The following NMT1 variants were observed in gnomAD, a reference collection of about 807,000 sequenced individuals.
NMT1 encodes the protein N-myristoyltransferase 1, also known as glycylpeptide N-tetradecanoyltransferase 1.
In NMT1, 12 loss-of-function variants were observed where a neutral mutation model predicts 63.4. That is an observed-to-expected ratio of 0.19 (90% CI 0.12 to 0.31). The LOEUF (loss-of-function observed/expected upper bound fraction) is 0.31, where lower values mean the gene tolerates loss of function less well. Ranked by LOEUF, NMT1 falls within the 10% of genes least tolerant of loss-of-function variation. The pLI, the probability that NMT1 is intolerant of heterozygous loss-of-function variation, is 1.00. For synonymous variants in NMT1, 228 were observed against 234.3 expected (o/e 0.97, Z 0.25); for missense variants, 432 against 634.6 (o/e 0.68, Z 3.43).
chr17:45,076,207 G>A (rs1042953092), intron 1 of NMT1, among the ~76,000 whole-genome samples: 5 of 152,082 alleles, frequency 3.3e-5, no homozygotes, highest in African/African-American at 4.8e-5. Flanking sequence ...GTGAAGTGGC[G>A]TTGGCTTGCT....
chr17:45,092,000 A>C (rs941756244), intron 3 of NMT1, among the ~76,000 whole-genome samples: 1 of 152,184 alleles, frequency 6.6e-6, no homozygotes, highest in Non-Finnish European at 1.5e-5. Flanking sequence ...CAGCCTGGGC[A>C]ACAGAGCAAG....
chr17:45,079,978 G>A (rs1308389236), intron 1 of NMT1, among the ~76,000 whole-genome samples: 1 of 152,108 alleles, frequency 6.6e-6, no homozygotes, highest in Non-Finnish European at 1.5e-5. Flanking sequence ...GATTACAGGC[G>A]TGAGCCACTG....
intron 1 of NMT1, among the ~76,000 whole-genome samples, chr17:45,069,859 G>T (rs2053928467): frequency 6.7e-6 from 1 of 149,414 alleles, no homozygotes; most frequent in South Asian, 2.1e-4. Context: ...CTCCAGCCTG[G>T]CAACAGTGAG....
At chr17:45,090,360 A>T (rs768054408) in intron 3 of NMT1, among the ~76,000 whole-genome samples, 13 of 152,156 alleles carry the variant, frequency 8.5e-5, no homozygotes, top group Non-Finnish European at 1.8e-4. Context: ...CAACTGTAAG[A>T]GCCGCAGATG....
chr17:45,068,187 C>T (rs1399234554), intron 1 of NMT1, among the ~76,000 whole-genome samples: 1 of 152,140 alleles, frequency 6.6e-6, no homozygotes, highest in East Asian at 1.9e-4. Context: ...ACCGGAATTC[C>T]TCCATAGGCT....
In NMT1 at chr17:45,105,007, CAT is replaced by C; in HGVS notation, c.1470+13_1470+14del. 6.2e-7 allele frequency: 1 copy of C among 1,614,060 alleles called. No individual in the cohort carries two copies. The highest frequency in any genetic ancestry group is 8.5e-7 in the Non-Finnish European group (1 of 1,179,988). ...ATGGGGGCAGAGAAGGTAGGCGACACATAGCCAGAGTCCAGGCTGCCCGGCCC... is the reference window on the plus strand; with the variant it reads ...ATGGGGGCAGAGAAGGTAGGCGACACAGCCAGAGTCCAGGCTGCCCGGCCC... On this transcript the variant is annotated intron_variant, in intron 11 of 11. Coordinates refer to ENST00000258960, the MANE Select transcript of NMT1 (RefSeq NM_021079.5). This position sits in a 1 kb window ranked among gnomAD's most constrained non-coding sequence, Gnocchi z 4.2.
At chr17:45,097,035 G>A in intron 5 of NMT1, 93 bp from the exon 6 acceptor site, 2 of 865,186 alleles carry the variant, frequency 2.3e-6, no homozygotes, top group Non-Finnish European at 3.9e-6. Context: ...GGAGGTGGTA[G>A]CACCAGGTCC....
At chr17:45,074,789 G>A (rs1598005648) in intron 1 of NMT1, among the ~76,000 whole-genome samples, 1 of 152,318 alleles carries the variant, frequency 6.6e-6, no homozygotes, top group East Asian at 1.9e-4. Context: ...CTAAGATTCT[G>A]GTTCTGGCCA....
chr17:45,098,129 A>ATGCT (rs1325604071), intron 6 of NMT1, among the ~76,000 whole-genome samples: 2 of 152,130 alleles, frequency 1.3e-5, no homozygotes, highest in Non-Finnish European at 2.9e-5. Flanking sequence ...CATCAGGGAG[A>ATGCT]TGCTGGTGGT....
chr17:45,090,022 C>T (rs2054077784), intron 3 of NMT1, among the ~76,000 whole-genome samples: 1 of 151,944 alleles, frequency 6.6e-6, no homozygotes, highest in African/African-American at 2.4e-5. Flanking sequence ...TGGCTCAATG[C>T]CTGTAATCCC....
chr17:45,077,856 C>G (rs1232160907), intron 1 of NMT1, among the ~76,000 whole-genome samples: 1 of 152,120 alleles, frequency 6.6e-6, no homozygotes, highest in Non-Finnish European at 1.5e-5. Context: ...CCATAAATGA[C>G]TTTATGGTTT....
At chr17:45,087,853 A>G (rs1193927738) in intron 3 of NMT1, among the ~76,000 whole-genome samples, 4 of 152,066 alleles carry the variant, frequency 2.6e-5, no homozygotes, top group Non-Finnish European at 5.9e-5. Flanking sequence ...GCTGTGCCCA[A>G]GGAGATTTGT....
At position 45,103,522 on chromosome 17, in the gene NMT1, T is replaced by C. The variant is rs1213684659; in HGVS notation, c.1165-187T>C. On this transcript the variant is annotated intron_variant, in intron 9 of 11. Transcript: ENST00000258960. This position sits in a 1 kb window ranked among gnomAD's most constrained non-coding sequence, Gnocchi z 4.8. ...GAGGTCTGGCAGGTTCAGCCCACGA[T>C]CACGGCTCTGTCCTCAAGTGCCCTG... 6.6e-6 allele frequency among the ~76,000 whole-genome samples: 1 copy of C among 152,084 alleles called. No homozygotes were observed. Among genetic ancestry groups the C allele is most frequent in the African/African-American group, 2.4e-5 (1 of 41,382 alleles).
chr17:45,067,633 G>A (rs2053911314), intron 1 of NMT1, among the ~76,000 whole-genome samples: 1 of 152,106 alleles, frequency 6.6e-6, no homozygotes, highest in South Asian at 2.1e-4. Context: ...GCTGCAGCTA[G>A]CTCTTGGAAA....
rs761537223 is a variant in NMT1, at chr17:45,097,119, CTT to C, written c.597-6_597-5del. Reference sequence around the variant, plus strand: ...AAGCAGCACAACCACCCCAGCCTCTCTTTTCCAGGGCTCTCCGGCCACCCGGC... The same window carrying C: ...AAGCAGCACAACCACCCCAGCCTCTCTTCCAGGGCTCTCCGGCCACCCGGC... On this transcript the variant is annotated splice_polypyrimidine_tract_variant and splice_region_variant and intron_variant, in intron 5 of 11. Coordinates refer to ENST00000258960, the MANE Select transcript of NMT1 (RefSeq NM_021079.5). 1 of 1,612,788 alleles carries C rather than the reference CTT, an allele frequency of 6.2e-7. No homozygotes were observed. Among genetic ancestry groups the C allele is most frequent in the Admixed American group, 1.7e-5 (1 of 60,012 alleles).
At chr17:45,079,661 C>T (rs951230846) in intron 1 of NMT1, among the ~76,000 whole-genome samples, 9 of 152,170 alleles carry the variant, frequency 5.9e-5, no homozygotes, top group African/African-American at 1.9e-4. Context: ...TGCACACATG[C>T]ACACGTGCAT....
Position 45,106,889 on chromosome 17 carries a change from G to A in NMT1, c.*1250G>A, listed in dbSNP as rs935447272. Reference sequence around the variant, plus strand: ...TGTGGTAGTGATGGTTGTCAGTGCTGCCAGTTTCCCAAAACGTAATCAAGC... The same window carrying A: ...TGTGGTAGTGATGGTTGTCAGTGCTACCAGTTTCCCAAAACGTAATCAAGC... On this transcript the variant is annotated 3_prime_UTR_variant, in exon 12 of 12. Coordinates refer to ENST00000258960, the MANE Select transcript of NMT1 (RefSeq NM_021079.5). The A allele has an allele frequency of 6.6e-6, 1 of 152,492 alleles. No individual in the cohort carries two copies. Among genetic ancestry groups the A allele is most frequent in the Non-Finnish European group, 1.5e-5 (1 of 68,030 alleles). The allele number at this position is 152,492 out of a possible 1,614,324, so 9.4% of individuals were successfully genotyped here.
At chr17:45,068,816 T>G (rs1289172769) in intron 1 of NMT1, among the ~76,000 whole-genome samples, 1 of 152,098 alleles carries the variant, frequency 6.6e-6, no homozygotes, top group Non-Finnish European at 1.5e-5. Flanking sequence ...CCGGCTAATT[T>G]CTGTATTTTT....
intron 1 of NMT1, among the ~76,000 whole-genome samples, chr17:45,072,583 G>A (rs558760990): frequency 8.6e-4 from 99 of 115,220 alleles, no homozygotes; most frequent in Middle Eastern, 8.9e-3. Context: ...TTTTTGAGAT[G>A]GAGTCTCTCT....
Sources: gnomAD v4.1 joint callset for allele counts (sites outside exome capture counted in the v4.1 genomes callset) on GRCh38, gnomAD v4.1.1 for gene constraint, Gnocchi (gnomAD v3.1) non-coding constraint, MANE v1.5 for transcripts, NCBI Gene and HGNC (gene_info 2026-07-23, HGNC 2026-07-21) for gene names.